VWA5B1: variants seen among roughly 807,000 people sequenced by gnomAD.
VWA5B1 encodes von Willebrand factor A domain containing 5B1, also known as von Willebrand factor A domain-containing protein 5B1.
A neutral mutation model predicts 118.2 loss-of-function variants in VWA5B1; 115 were observed. The ratio of observed to expected loss-of-function variants is 0.97; its 90% CI spans 0.84 to 1.14. The LOEUF (loss-of-function observed/expected upper bound fraction) is 1.14. Ranked by LOEUF, VWA5B1 falls within the 50% of genes most tolerant of loss-of-function variation. The pLI is 0.00. For synonymous variants in VWA5B1, 682 were observed against 658.4 expected (o/e 1.04, Z -0.55); for missense variants, 1,596 against 1,603.8 (o/e 1.00, Z 0.08).
Position 20,354,301 on chromosome 1 carries a change from G to A in VWA5B1, c.*38G>A. 1 of 1,281,504 alleles carries A rather than the reference G, an allele frequency of 7.8e-7. No individual in the cohort carries two copies. The highest frequency in any genetic ancestry group is 1.1e-6 in the Non-Finnish European group (1 of 927,718). The allele number at this position is 1,281,504 out of a possible 1,614,324, so 79.4% of individuals were successfully genotyped here. On this transcript the variant is annotated 3_prime_UTR_variant, in exon 22 of 22. Coordinates refer to ENST00000289815, the MANE Select transcript of VWA5B1 (RefSeq NM_001039500.3). ...GAGGCTGGGTGGAGGGAAGGGTGGG[G>A]AGGAGAGGGATGGGCAGGGCCATGT... is the stretch of plus-strand genomic sequence containing the variant.
intron 1 of VWA5B1, among the ~76,000 whole-genome samples, chr1:20,306,155 C>G (rs1462531504): frequency 6.6e-6 from 1 of 152,028 alleles, no homozygotes; most frequent in Admixed American, 6.6e-5. Flanking sequence ...GATGAGGGAT[C>G]TGAAGGAAAG....
At position 20,331,047 on chromosome 1, in the gene VWA5B1, A is replaced by G. The variant is rs545545512; in HGVS notation, c.1572+64A>G. 7 of 1,367,090 alleles carry G rather than the reference A, an allele frequency of 5.1e-6. No individual in the cohort carries two copies. The South Asian group carries it at 8.8e-5, about 17-fold the overall frequency. 84.7% of individuals were successfully genotyped at this position (1,367,090 alleles called of 1,614,324 possible). A position where few individuals can be genotyped will look rare whatever the true frequency, so the allele number is the denominator to read the frequency against. On this transcript the variant is annotated intron_variant, in intron 11 of 21. Transcript: ENST00000289815. ...AACCTCAGAGGCTCAGACCAGTCAC[A>G]TGGCAACTCAGTGGTGGAGCTGGGA...
chr1:20,354,022 C>G lies in VWA5B1; in HGVS notation c.3407C>G (p.Thr1136Ser). The G allele has an allele frequency of 6.4e-7, 1 of 1,551,700 alleles. No homozygotes were observed. Among genetic ancestry groups the G allele is most frequent in the Non-Finnish European group, 8.7e-7 (1 of 1,147,006 alleles). The stretch of plus-strand genomic sequence containing the variant: ...GAGCCGAGGGCAGTGGTGGAGCACA[C>G]TGGGAAGCTGTGGGCCACGGTGGTG... ...GLEPRAVVEH[T>S]GKLWATVVGL... The change falls in exon 22 of 22, where the codon ACT (threonine) becomes AGT (serine). Residue 1136 changes from threonine (T) to serine (S), a missense_variant. Coordinates refer to ENST00000289815, the MANE Select transcript of VWA5B1 (RefSeq NM_001039500.3).
chr1:20,310,476 A>G, intron 1 of VWA5B1, 100 bp from the exon 2 acceptor site: 1 of 1,185,874 alleles, frequency 8.4e-7, no homozygotes. Flanking sequence ...AATGAAAACA[A>G]TGATGCTCTG....
In VWA5B1 at chr1:20,342,608, G is replaced by T; in HGVS notation, c.2310G>T (p.Leu770=). The change falls in exon 15 of 22, where the codon CTG becomes CTT. Residue 770 remains leucine, a splice_region_variant and synonymous_variant. Transcript: ENST00000289815. ...RTSDSRSPGD[L]EPSHHPSAFE... The stretch of plus-strand genomic sequence containing the variant: ...CTGACAGCCGAAGCCCTGGAGATCT[G>T]GGTAAGTGACCACAGGGTCCAGGAC... 6.8e-7 allele frequency: 1 copy of T among 1,478,440 alleles called. No individual in the cohort carries two copies. Among genetic ancestry groups the T allele is most frequent in the Non-Finnish European group, 9.0e-7 (1 of 1,115,072 alleles). The allele number at this position is 1,478,440 out of a possible 1,614,324, so 91.6% of individuals were successfully genotyped here.
At chr1:20,321,529 G>C (rs1298039260) in intron 7 of VWA5B1, among the ~76,000 whole-genome samples, 4 of 152,218 alleles carry the variant, frequency 2.6e-5, no homozygotes, top group Non-Finnish European at 5.9e-5. Context: ...AGGTTGCAGT[G>C]AGCCGAGATT....
chr1:20,348,656 C>G (rs115870955), intron 18 of VWA5B1, among the ~76,000 whole-genome samples: 1,963 of 152,354 alleles, frequency 0.013, 42 homozygotes, highest in African/African-American at 0.044. Flanking sequence ...TGGTGCTGTT[C>G]CCTGCCTCCA....
chr1:20,300,030 C>T (rs1329979492), intron 1 of VWA5B1, among the ~76,000 whole-genome samples: 2 of 152,124 alleles, frequency 1.3e-5, no homozygotes, highest in Non-Finnish European at 2.9e-5. Flanking sequence ...AGCAGGGGGG[C>T]GCCATTAACA....
chr1:20,332,674 C>T (rs1405599264), intron 11 of VWA5B1, 92 bp from the exon 12 acceptor site: 31 of 1,392,208 alleles, frequency 2.2e-5, no homozygotes. Flanking sequence ...CTCTTCCCTG[C>T]TCCCACTCCC....
intron 21 of VWA5B1, 128 bp from the exon 22 acceptor site, chr1:20,353,629 C>A: frequency 8.0e-7 from 1 of 1,250,972 alleles, no homozygotes; most frequent in Non-Finnish European, 1.1e-6. Flanking sequence ...CTCAATTGAC[C>A]TGGGTATCCT....
chr1:20,349,232 C>T (rs954788695), intron 18 of VWA5B1: 1 of 443,766 alleles, frequency 2.3e-6, no homozygotes, highest in African/African-American at 2.0e-5. Flanking sequence ...CCATTGGCCT[C>T]CAAAACCCAG....
intron 5 of VWA5B1, among the ~76,000 whole-genome samples, chr1:20,318,020 A>C (rs1437246468): frequency 6.7e-6 from 1 of 148,718 alleles, no homozygotes; most frequent in Non-Finnish European, 1.5e-5. Flanking sequence ...GAGACACCCA[A>C]ACATCCTGCA....
chr1:20,351,880 G>A (rs1188714767), intron 20 of VWA5B1, among the ~76,000 whole-genome samples, 175 bp from the exon 21 acceptor site: 1 of 152,174 alleles, frequency 6.6e-6, no homozygotes, highest in Admixed American at 6.5e-5. Flanking sequence ...AACTCATTGA[G>A]TGACTTGGAG....
chr1:20,292,204 C>CTT (rs397938596), intron 1 of VWA5B1, among the ~76,000 whole-genome samples: 11 of 142,980 alleles, frequency 7.7e-5, no homozygotes, highest in African/African-American at 2.3e-4. Flanking sequence ...CTCCTTCCTT[C>CTT]TTTTTTTTTT....
intron 21 of VWA5B1, 79 bp from the exon 22 acceptor site, chr1:20,353,678 G>A (rs1414696045): frequency 1.4e-6 from 2 of 1,425,636 alleles, no homozygotes; most frequent in Non-Finnish European, 1.8e-6. Context: ...TGGGCAACAT[G>A]GATCCAGACT....
At chr1:20,309,441 G>C (rs763202129) in intron 1 of VWA5B1, among the ~76,000 whole-genome samples, 40 of 152,192 alleles carry the variant, frequency 2.6e-4, no homozygotes, top group Non-Finnish European at 5.6e-4. Flanking sequence ...GGGGGTTACT[G>C]GTTTAAAAAT....
rs934309998 is a variant in VWA5B1, at chr1:20,354,734, C to G, written c.*471C>G. The G allele has an allele frequency of 6.0e-6, 1 of 167,204 alleles. No individual in the cohort carries two copies. The highest frequency in any genetic ancestry group is 2.4e-5 in the African/African-American group (1 of 41,608). 10.4% of individuals were successfully genotyped at this position (167,204 alleles called of 1,614,324 possible). A position where few individuals can be genotyped will look rare whatever the true frequency, so the allele number is the denominator to read the frequency against. On this transcript the variant is annotated 3_prime_UTR_variant, in exon 22 of 22. Coordinates refer to ENST00000289815, the MANE Select transcript of VWA5B1 (RefSeq NM_001039500.3). ...GACCTCAAGTAACCAGGCCTACAGG[C>G]TTGCATAGGCACATAGAGACTAGCA...
intron 20 of VWA5B1, among the ~76,000 whole-genome samples, chr1:20,351,390 A>G (rs1276848124): frequency 6.6e-6 from 1 of 152,110 alleles, no homozygotes; most frequent in African/African-American, 2.4e-5. Flanking sequence ...ATGGTGGCTC[A>G]CCCCTGTAAT....
chr1:20,313,034 C>T lies in VWA5B1; in HGVS notation c.292+46C>T, dbSNP rs1339615443. ...GCCGCGGGACCTGGGTTTGGCCAGC[C>T]AGAGGCTGCCTGGGCTGGAGCCTCA... On this transcript the variant is annotated intron_variant, in intron 3 of 21. Transcript: ENST00000289815. The T allele has an allele frequency of 3.3e-6, 5 of 1,538,454 alleles. No individual in the cohort carries two copies. The African/African-American group carries it at 5.5e-5, about 17-fold the overall frequency.
Sources: gnomAD v4.1 joint callset for allele counts (sites outside exome capture counted in the v4.1 genomes callset) on GRCh38, gnomAD v4.1.1 for gene constraint, MANE v1.5 for transcripts, NCBI Gene and HGNC (gene_info 2026-07-23, HGNC 2026-07-21) for gene names.